The following MLIP variants were observed in gnomAD, a reference collection of about 807,000 sequenced individuals.
MLIP encodes the protein muscular LMNA interacting protein.
Under a neutral mutation model 84.8 loss-of-function variants are expected in MLIP, and 79 were observed. The observed-to-expected ratio is 0.93, with a 90% CI of 0.78 to 1.12. The LOEUF is 1.12. Among genes scored for constraint, MLIP ranks in the 50% most tolerant of loss-of-function variants. The pLI is 0.00. For synonymous variants in MLIP, 504 were observed against 463.0 expected (o/e 1.09, Z -1.14); for missense variants, 1,257 against 1,160.6 (o/e 1.08, Z -1.21).
intron 12 of MLIP, among the ~76,000 whole-genome samples, chr6:54,238,580 C>T (rs1307576461): frequency 6.6e-6 from 1 of 152,196 alleles, no homozygotes; most frequent in Admixed American, 6.5e-5. Context: ...AAACGAGAAA[C>T]ACATGGCCAG....
chr6:54,086,891 A>G (rs764857310), intron 1 of MLIP, among the ~76,000 whole-genome samples: 1 of 152,164 alleles, frequency 6.6e-6, no homozygotes, highest in East Asian at 1.9e-4. Context: ...ATTGAAATCT[A>G]TTGTGCTCTC....
At chr6:54,102,974 A>G (rs1218927603) in intron 1 of MLIP, among the ~76,000 whole-genome samples, 1 of 152,110 alleles carries the variant, frequency 6.6e-6, no homozygotes, top group Admixed American at 6.6e-5. Flanking sequence ...ATGATTTTAT[A>G]AAGTGTGTTG....
At chr6:54,218,901 A>G (rs1303610461) in intron 11 of MLIP, among the ~76,000 whole-genome samples, 2 of 151,858 alleles carry the variant, frequency 1.3e-5, no homozygotes, top group African/African-American at 4.8e-5. Flanking sequence ...TGACTCTTAT[A>G]ATAAACAAAA....
At chr6:54,059,909 G>C (rs2150330336) in intron 1 of MLIP, among the ~76,000 whole-genome samples, 1 of 152,336 alleles carries the variant, frequency 6.6e-6, no homozygotes, top group African/African-American at 2.4e-5. Flanking sequence ...TTCCTTTCTA[G>C]TTCTCAAAAT....
chr6:54,245,450 T>C (rs1298552331), intron 12 of MLIP, among the ~76,000 whole-genome samples: 1 of 152,232 alleles, frequency 6.6e-6, no homozygotes, highest in East Asian at 1.9e-4. Context: ...CTGTGGGCAC[T>C]AGGATGAGAG....
At chr6:54,232,740 G>C (rs1057463521) in intron 12 of MLIP, among the ~76,000 whole-genome samples, 4 of 152,116 alleles carry the variant, frequency 2.6e-5, no homozygotes, top group Non-Finnish European at 5.9e-5. Context: ...GACATAATCT[G>C]TTATTTAATT....
chr6:54,198,232 C>A (rs1210453368), intron 10 of MLIP, among the ~76,000 whole-genome samples: 1 of 152,126 alleles, frequency 6.6e-6, no homozygotes, highest in Non-Finnish European at 1.5e-5. Context: ...CTTTGGCACT[C>A]ATAACAGGTT....
intron 1 of MLIP, among the ~76,000 whole-genome samples, chr6:54,105,504 C>T (rs1262837592): frequency 6.6e-6 from 1 of 152,162 alleles, no homozygotes; most frequent in Non-Finnish European, 1.5e-5. Flanking sequence ...CCTTTACATG[C>T]CACATACTAC....
At chr6:54,107,215 T>A (rs1769080599), upstream of MLIP, among the ~76,000 whole-genome samples, 1 of 152,188 alleles carries the variant, frequency 6.6e-6, no homozygotes, top group African/African-American at 2.4e-5. Flanking sequence ...TGATATCTTT[T>A]TAAACTAGGA....
At position 54,069,986 on chromosome 6, in the gene MLIP, T is replaced by A. The variant is rs113432768; in HGVS notation, c.63+50895T>A. On this transcript the variant is annotated intron_variant, in intron 1 of 12. Coordinates refer to the MLIP transcript ENST00000274897. ...CAAAAGTGATTCCTTTTGGCTCACT[T>A]AACAATCTTTTTTGCTAAGGGTTTT... Among the ~76,000 whole-genome samples the A allele has an allele frequency of 6.4e-4, 29 of 45,280 alleles. 5 individuals are homozygous for A. Among genetic ancestry groups the A allele is most frequent in the African/African-American group, 9.7e-4 (29 of 29,910 alleles). The allele number at this position is 45,280 out of a possible 152,430, so 29.7% of individuals were successfully genotyped here. A position where few individuals can be genotyped will look rare whatever the true frequency, so the allele number is the denominator to read the frequency against.
chr6:54,065,624 C>A lies in MLIP; in HGVS notation c.63+46533C>A, dbSNP rs1263969672. Among the ~76,000 whole-genome samples, 11 of 99,504 alleles carry A rather than the reference C, an allele frequency of 1.1e-4. 1 individual carries two copies. Among genetic ancestry groups the A allele is most frequent in the African/African-American group, 2.3e-4 (9 of 38,454 alleles). The allele number at this position is 99,504 out of a possible 152,430, so 65.3% of individuals were successfully genotyped here. The stretch of plus-strand genomic sequence containing the variant: ...GGAAGACCCTTGCCTCTCTGGGATG[C>A]TTCAGGCAGGTCAATCTTAGACAGC... On this transcript the variant is annotated intron_variant, in intron 1 of 12. Coordinates refer to the MLIP transcript ENST00000274897.
At chr6:54,103,813 C>T (rs767897789) in intron 1 of MLIP, among the ~76,000 whole-genome samples, 5 of 152,208 alleles carry the variant, frequency 3.3e-5, no homozygotes, top group Admixed American at 6.5e-5. Flanking sequence ...TACATTTAGC[C>T]TATTCTTTAT....
chr6:54,151,287 G>A (rs900660447), intron 5 of MLIP, among the ~76,000 whole-genome samples: 1 of 151,858 alleles, frequency 6.6e-6, no homozygotes, highest in Non-Finnish European at 1.5e-5. Context: ...TTATCTAAAG[G>A]TTTTATGAGT....
chr6:54,082,925 G>A (rs1234724792), intron 1 of MLIP, among the ~76,000 whole-genome samples: 1 of 152,030 alleles, frequency 6.6e-6, no homozygotes. Flanking sequence ...GAATACTGTA[G>A]TATTTTTCAT....
At chr6:54,239,165 A>G in intron 12 of MLIP, among the ~76,000 whole-genome samples, 1 of 151,830 alleles carries the variant, frequency 6.6e-6, no homozygotes, top group East Asian at 1.9e-4. Context: ...GCCAGAGCAG[A>G]CTATTCATCT....
intron 3 of MLIP, among the ~76,000 whole-genome samples, chr6:54,131,847 G>T (rs1299926794): frequency 6.6e-6 from 1 of 152,174 alleles, no homozygotes; most frequent in Non-Finnish European, 1.5e-5. Context: ...AATTTGGGCT[G>T]TTTTCAGCTA....
intron 9 of MLIP, among the ~76,000 whole-genome samples, chr6:54,183,585 C>T (rs759364323): frequency 1.4e-4 from 22 of 151,782 alleles, no homozygotes; most frequent in Non-Finnish European, 2.4e-4. Flanking sequence ...CCACTTGTTC[C>T]GTCTACCAAC....
chr6:54,143,815 A>G (rs949822932), intron 4 of MLIP, among the ~76,000 whole-genome samples: 30 of 152,326 alleles, frequency 2.0e-4, no homozygotes, highest in African/African-American at 6.3e-4. Context: ...TTTGCTGAAC[A>G]TCTTTTCTCT....
At chr6:54,116,002 A>C (rs900487373) in intron 1 of MLIP, among the ~76,000 whole-genome samples, 4 of 152,176 alleles carry the variant, frequency 2.6e-5, no homozygotes, top group African/African-American at 9.7e-5. Flanking sequence ...GTATACAGTG[A>C]AAAGGTTTTG....
Sources: allele counts gnomAD v4.1 joint callset (sites outside exome capture counted in the v4.1 genomes callset), GRCh38; gene constraint gnomAD v4.1.1; transcripts MANE v1.5; gene names NCBI Gene and HGNC (gene_info 2026-07-23, HGNC 2026-07-21).